KLHDC4: variants seen among roughly 807,000 people sequenced by gnomAD.
KLHDC4 encodes kelch domain containing 4.
A neutral mutation model predicts 62.4 loss-of-function variants in KLHDC4; 90 were observed. That is an observed-to-expected ratio of 1.44 (90% CI 1.22 to 1.72). The LOEUF (loss-of-function observed/expected upper bound fraction) is 1.72. Among genes scored for constraint, KLHDC4 ranks in the 40% most tolerant of loss-of-function variants. KLHDC4 has a pLI of 0.00. For synonymous variants in KLHDC4, 386 were observed against 284.4 expected, an observed-to-expected ratio of 1.36 and a Z score of -3.59; for missense variants, 1,025 against 699.7, an observed-to-expected ratio of 1.47 and a Z score of -5.25.
chr16:87,736,836 G>A (rs1288504130), intron 5 of KLHDC4, among the ~76,000 whole-genome samples: 1 of 152,136 alleles, frequency 6.6e-6, no homozygotes, highest in Non-Finnish European at 1.5e-5. Flanking sequence ...TTACAGACAA[G>A]GAAATCGGCC....
intron 1 of KLHDC4, chr16:87,763,389 G>A (rs1332232974): frequency 6.6e-6 from 1 of 152,206 alleles, no homozygotes; most frequent in African/African-American, 2.4e-5. Flanking sequence ...GATAATTTGA[G>A]GTCAGGAGTT....
intron 6 of KLHDC4, among the ~76,000 whole-genome samples, chr16:87,728,700 G>C (rs1243929944): frequency 6.6e-6 from 1 of 152,102 alleles, no homozygotes; most frequent in Admixed American, 6.5e-5. Context: ...TGAACATAAG[G>C]CTAGGCGCGG....
Position 87,711,506 on chromosome 16 carries a change from G to A in KLHDC4, c.836-63C>T, listed in dbSNP as rs2035826788. 4.8e-6 allele frequency: 7 copies of A among 1,450,494 alleles called. No homozygotes were observed. The South Asian group carries it at 5.2e-5, about 11-fold the overall frequency. 89.9% of individuals were successfully genotyped at this position (1,450,494 alleles called of 1,614,324 possible). A position where few individuals can be genotyped will look rare whatever the true frequency, so the allele number is the denominator to read the frequency against. On this transcript the variant is annotated intron_variant, in intron 8 of 11. Coordinates refer to ENST00000270583, the MANE Select transcript of KLHDC4 (RefSeq NM_017566.4). ...AGGAAGGACCCTGAGAGCCAGCCCA[G>A]GACACGCTCAGGACCCCAGGTGCCC...
intron 1 of KLHDC4, among the ~76,000 whole-genome samples, chr16:87,764,056 G>A (rs1395627635): frequency 6.6e-6 from 1 of 152,226 alleles, no homozygotes; most frequent in Non-Finnish European, 1.5e-5. Context: ...CATGAGTTCT[G>A]TGGGAGCAGA....
intron 10 of KLHDC4, among the ~76,000 whole-genome samples, chr16:87,708,734 C>T (rs1470490765): frequency 6.6e-6 from 1 of 152,236 alleles, no homozygotes; most frequent in Non-Finnish European, 1.5e-5. Context: ...CTGCCACCCT[C>T]CACCCCGGCT....
chr16:87,759,044 G>T (rs774859739), intron 2 of KLHDC4, among the ~76,000 whole-genome samples: 2 of 152,120 alleles, frequency 1.3e-5, no homozygotes, highest in African/African-American at 4.8e-5. Flanking sequence ...GCATGGTGGC[G>T]CATGCCTGTA....
chr16:87,759,695 G>A (rs917499778), intron 2 of KLHDC4, among the ~76,000 whole-genome samples: 3 of 151,568 alleles, frequency 2.0e-5, no homozygotes, highest in East Asian at 3.9e-4. Flanking sequence ...AGCCGAGATC[G>A]TGCCATTGCA....
intron 6 of KLHDC4, among the ~76,000 whole-genome samples, chr16:87,728,904 G>A (rs1209268230): frequency 6.6e-6 from 1 of 152,028 alleles, no homozygotes. Flanking sequence ...CCTCCCGAGT[G>A]CCTGGGATTA....
At chr16:87,713,350 C>A (rs116756546) in intron 8 of KLHDC4, among the ~76,000 whole-genome samples, 1 of 151,928 alleles carries the variant, frequency 6.6e-6, no homozygotes, top group Non-Finnish European at 1.5e-5. Context: ...CAGGCACACA[C>A]GCCAGCACAC....
intron 5 of KLHDC4, chr16:87,739,839 G>C (rs1042867976): frequency 2.6e-5 from 4 of 152,294 alleles, no homozygotes; most frequent in South Asian, 2.1e-4. Flanking sequence ...GGGGACGGTG[G>C]GGTGTCTGCT....
At chr16:87,722,256 G>C (rs1421461410) in intron 7 of KLHDC4, among the ~76,000 whole-genome samples, 1 of 152,180 alleles carries the variant, frequency 6.6e-6, no homozygotes, top group East Asian at 1.9e-4. Flanking sequence ...CAAAGCTGCC[G>C]GTTCTTCGTG....
At chr16:87,716,012 T>A (rs2036892477) in intron 7 of KLHDC4, among the ~76,000 whole-genome samples, 2 of 152,110 alleles carry the variant, frequency 1.3e-5, no homozygotes, top group Non-Finnish European at 2.9e-5. Flanking sequence ...TAAGGTCTTG[T>A]GGATATTTAT....
rs142175349 is a variant in KLHDC4 at position 87,731,464 on chromosome 16, A to G, written c.507-820T>C. On this transcript the variant is annotated intron_variant, in intron 5 of 11. Transcript: ENST00000270583. ...GTTCGTAAGATAGAAAAATGGGGGG[A>G]AAAAAGATGGAAAAAGGCCAATGAA... Among the ~76,000 whole-genome samples the G allele has an allele frequency of 7.4e-3, 1,117 of 151,914 alleles. 20 individuals are homozygous for G. The highest frequency in any genetic ancestry group is 0.026 in the African/African-American group (1,069 of 41,314).
At chr16:87,715,511 G>A (rs1394539429) in intron 7 of KLHDC4, among the ~76,000 whole-genome samples, 1 of 152,154 alleles carries the variant, frequency 6.6e-6, no homozygotes, top group Non-Finnish European at 1.5e-5. Context: ...TGGCCGTTTC[G>A]TCCTGTCGCC....
Position 87,765,779 on chromosome 16 carries a change from C to A in KLHDC4, c.99+13G>T. On this transcript the variant is annotated intron_variant, in intron 1 of 11. Coordinates refer to ENST00000270583, the MANE Select transcript of KLHDC4 (RefSeq NM_017566.4). ...GCGACGTCGGGCCGCTAAGCCCGGT[C>A]TGACCCGCTCACCTCCTCCTTCCGC... is the stretch of plus-strand genomic sequence containing the variant. 2.6e-6 allele frequency: 4 copies of A among 1,568,270 alleles called. No homozygotes were observed.
intron 2 of KLHDC4, among the ~76,000 whole-genome samples, chr16:87,758,344 C>T (rs999500305): frequency 7.2e-5 from 11 of 152,162 alleles, no homozygotes; most frequent in African/African-American, 2.4e-5. Context: ...CACAATGTGG[C>T]ATACCCACAG....
intron 8 of KLHDC4, among the ~76,000 whole-genome samples, chr16:87,713,907 C>T (rs1044521651): frequency 6.6e-6 from 1 of 151,238 alleles, no homozygotes; most frequent in Non-Finnish European, 1.5e-5. Context: ...GGCATTCTAA[C>T]AGCCCCGAGT....
chr16:87,701,580 A>C (rs1422620049), exon 1 of KLHDC4: 2 of 413,616 alleles, frequency 4.8e-6, no homozygotes, highest in East Asian at 1.4e-4. Context: ...TGCTGGGCCC[A>C]GGCCGCTGGG....
chr16:87,734,153 T>C (rs747116881), intron 5 of KLHDC4, among the ~76,000 whole-genome samples: 5 of 152,144 alleles, frequency 3.3e-5, no homozygotes, highest in Non-Finnish European at 5.9e-5. Flanking sequence ...AAGACCAGCC[T>C]CACCAACATG....
Sources: gnomAD v4.1 joint callset for allele counts (sites outside exome capture counted in the v4.1 genomes callset) on GRCh38, gnomAD v4.1.1 for gene constraint, MANE v1.5 for transcripts, NCBI Gene and HGNC (gene_info 2026-07-23, HGNC 2026-07-21) for gene names.